Variants in NEGR1 observed in about 807,000 individuals in gnomAD.
The protein encoded by NEGR1 is neuronal growth regulator 1, also known as IgLON family member 4.
A neutral mutation model predicts 40.9 loss-of-function variants in NEGR1; 10 were observed. The observed-to-expected ratio is 0.24, with a 90% CI of 0.15 to 0.42. The LOEUF (loss-of-function observed/expected upper bound fraction) is 0.42, where lower values mean the gene tolerates loss of function less well. Ranked by LOEUF, NEGR1 falls within the 10% of genes least tolerant of loss-of-function variation. NEGR1 has a pLI of 1.00. For synonymous variants in NEGR1, 185 were observed against 166.8 expected, an observed-to-expected ratio of 1.11 and a Z score of -0.84; for missense variants, 352 against 438.9, an observed-to-expected ratio of 0.80 and a Z score of 1.77.
chr1:71,952,540 T>C (rs1000448142), intron 1 of NEGR1, among the ~76,000 whole-genome samples: 3 of 152,000 alleles, frequency 2.0e-5, no homozygotes, highest in African/African-American at 7.2e-5. Flanking sequence ...AACATAAAAG[T>C]GCAAGATGAG....
chr1:72,006,932 C>T (rs921624068), intron 1 of NEGR1, among the ~76,000 whole-genome samples: 4 of 152,032 alleles, frequency 2.6e-5, no homozygotes, highest in African/African-American at 4.8e-5. Flanking sequence ...TGAGAGATCA[C>T]GGTCAAAATT....
intron 1 of NEGR1, among the ~76,000 whole-genome samples, chr1:72,155,760 T>C (rs949656802): frequency 2.0e-5 from 3 of 152,072 alleles, no homozygotes; most frequent in African/African-American, 7.2e-5. Context: ...TAGGTTTCCT[T>C]ACCTGCAAAA....
intron 3 of NEGR1, among the ~76,000 whole-genome samples, chr1:71,775,064 T>C (rs1044156210): frequency 4.6e-5 from 7 of 152,336 alleles, no homozygotes; most frequent in African/African-American, 1.2e-4. Context: ...AAGTCTTTGA[T>C]TGAAAGCTGC....
intron 6 of NEGR1, among the ~76,000 whole-genome samples, chr1:71,592,260 A>G (rs1649527387): frequency 6.6e-6 from 1 of 152,110 alleles, no homozygotes; most frequent in Non-Finnish European, 1.5e-5. Flanking sequence ...GATACATTAG[A>G]AATGTAGTAT....
intron 6 of NEGR1, among the ~76,000 whole-genome samples, chr1:71,544,218 A>G (rs537057003): frequency 1.3e-5 from 2 of 151,860 alleles, no homozygotes; most frequent in African/African-American, 4.8e-5. Context: ...TCATTTAAGT[A>G]GTATATATTT....
At chr1:71,625,835 AC>A (rs1380851257) in intron 4 of NEGR1, among the ~76,000 whole-genome samples, 3 of 151,960 alleles carry the variant, frequency 2.0e-5, no homozygotes, top group African/African-American at 7.2e-5. Context: ...TTGATGTTTC[AC>A]TGTGTAATAA....
intron 5 of NEGR1, among the ~76,000 whole-genome samples, chr1:71,599,119 C>A (rs1649835490): frequency 6.6e-6 from 1 of 152,044 alleles, no homozygotes; most frequent in African/African-American, 2.4e-5. Context: ...AAGCCAATCA[C>A]AAAGTGTTAA....
At chr1:71,896,148 C>T (rs1274046467) in intron 2 of NEGR1, among the ~76,000 whole-genome samples, 3 of 150,818 alleles carry the variant, frequency 2.0e-5, no homozygotes, top group Non-Finnish European at 4.4e-5. Context: ...AGTTATTCTC[C>T]TGCCTCAGCC....
At chr1:71,635,278 G>A (rs778262715) in intron 4 of NEGR1, among the ~76,000 whole-genome samples, 4 of 151,976 alleles carry the variant, frequency 2.6e-5, no homozygotes, top group African/African-American at 7.2e-5. Context: ...TTTAACCACC[G>A]CCCGCACTTC....
chr1:71,805,031 G>C (rs1226513229), intron 2 of NEGR1, among the ~76,000 whole-genome samples: 1 of 152,126 alleles, frequency 6.6e-6, no homozygotes, highest in Non-Finnish European at 1.5e-5. Context: ...GGGGGTGGCT[G>C]TCTTTTACAG....
chr1:71,814,015 A>G (rs985150737), intron 2 of NEGR1, among the ~76,000 whole-genome samples: 5 of 152,112 alleles, frequency 3.3e-5, no homozygotes, highest in Admixed American at 3.3e-4. Context: ...CCAGTTTTCA[A>G]GGGGAATGCT....
chr1:71,430,204 T>G (rs577232724), intron 6 of NEGR1, among the ~76,000 whole-genome samples: 67 of 152,286 alleles, frequency 4.4e-4, no homozygotes, highest in African/African-American at 1.4e-3. Flanking sequence ...ACTATGGCCA[T>G]TATAGCTCCT....
intron 1 of NEGR1, among the ~76,000 whole-genome samples, chr1:72,078,585 A>G (rs190111603): frequency 6.7e-6 from 1 of 150,178 alleles, no homozygotes; most frequent in Non-Finnish European, 1.5e-5. Flanking sequence ...ATTAAAAGTG[A>G]TATAAATATA....
chr1:71,486,646 A>G (rs969521888), intron 6 of NEGR1: 1 of 151,480 alleles, frequency 6.6e-6, no homozygotes, highest in African/African-American at 2.4e-5. Flanking sequence ...TTAATGTAAT[A>G]TTTGTCTAAG....
chr1:72,244,216 T>G (rs1654833863), intron 1 of NEGR1, among the ~76,000 whole-genome samples: 1 of 151,852 alleles, frequency 6.6e-6, no homozygotes, highest in African/African-American at 2.4e-5. Flanking sequence ...TGCCTTAGCT[T>G]TTTATTTATT....
intron 6 of NEGR1, among the ~76,000 whole-genome samples, chr1:71,576,472 T>C (rs941740246): frequency 1.3e-5 from 2 of 152,248 alleles, no homozygotes; most frequent in Non-Finnish European, 2.9e-5. Context: ...AGCCCTCAGT[T>C]ATCTAGAATC....
chr1:72,211,151 G>C (rs1035354940), intron 1 of NEGR1, among the ~76,000 whole-genome samples: 1 of 151,552 alleles, frequency 6.6e-6, no homozygotes. Flanking sequence ...TCCATCAATA[G>C]GATTCTAATC....
chr1:71,699,328 GT>G (rs1274926527), intron 3 of NEGR1, among the ~76,000 whole-genome samples: 1 of 151,754 alleles, frequency 6.6e-6, no homozygotes, highest in Non-Finnish European at 1.5e-5. Flanking sequence ...TTTATTAACT[GT>G]GGCATGGTCT....
At chr1:71,525,999 A>T (rs1193260940) in intron 6 of NEGR1, among the ~76,000 whole-genome samples, 1 of 151,610 alleles carries the variant, frequency 6.6e-6, no homozygotes, top group Non-Finnish European at 1.5e-5. Context: ...TTTGAGACAG[A>T]GCTGAAGATA....
Sources: allele counts gnomAD v4.1 joint callset (sites outside exome capture counted in the v4.1 genomes callset), GRCh38; gene constraint gnomAD v4.1.1; transcripts MANE v1.5; gene names NCBI Gene and HGNC (gene_info 2026-07-23, HGNC 2026-07-21).